MYO10: variants seen among roughly 807,000 people sequenced by gnomAD.
The protein encoded by MYO10 is myosin X, also known as unconventional myosin-X.
A neutral mutation model predicts 257.3 loss-of-function variants in MYO10; 133 were observed. The observed-to-expected ratio is 0.52, with a 90% CI of 0.45 to 0.60. The LOEUF (loss-of-function observed/expected upper bound fraction) is 0.60, where lower values mean the gene tolerates loss of function less well. MYO10 is among the 20% of genes least tolerant of loss of function. MYO10 has a pLI of 0.00. For synonymous variants in MYO10, 1,104 were observed against 1,028.6 expected, an observed-to-expected ratio of 1.07 and a Z score of -1.40; for missense variants, 2,399 against 2,635.7, an observed-to-expected ratio of 0.91 and a Z score of 1.97.
chr5:16,912,935 C>CT (rs1745707931), intron 1 of MYO10, among the ~76,000 whole-genome samples: 1 of 150,178 alleles, frequency 6.7e-6, no homozygotes, highest in Non-Finnish European at 1.5e-5. Context: ...TACAGGCATG[C>CT]TTTCTGGCCA....
chr5:16,885,744 C>A (rs1394518170), intron 1 of MYO10, among the ~76,000 whole-genome samples: 1 of 151,908 alleles, frequency 6.6e-6, no homozygotes, highest in East Asian at 1.9e-4. Context: ...ATGAGTATGA[C>A]AAATGCAGCG....
chr5:16,816,360 T>C (rs1267123719), intron 3 of MYO10, among the ~76,000 whole-genome samples: 1 of 138,026 alleles, frequency 7.2e-6, no homozygotes, highest in African/African-American at 2.7e-5. Flanking sequence ...AAAAGGCAAA[T>C]ACACTCTTTT....
intron 39 of MYO10, among the ~76,000 whole-genome samples, chr5:16,669,828 G>T (rs1490487282): frequency 6.6e-6 from 1 of 152,188 alleles, no homozygotes; most frequent in Non-Finnish European, 1.5e-5. Context: ...ACACTTATCT[G>T]TTAAGGGCTG....
rs775296512 is a variant in MYO10, at chr5:16,701,160, C to A, written c.3235G>T (p.Ala1079Ser). Residue 1079 changes from alanine to serine, a missense_variant, in exon 25 of 41, where the codon GCT becomes TCT. Physicochemically the swap from Ala to Ser is moderately conservative, Grantham distance 99 (BLOSUM62 1). This residue lies in a region of MYO10 where 1,820 missense variants were observed against 1,939.4 expected (regional missense o/e 0.94). Coordinates refer to ENST00000513610, the MANE Select transcript of MYO10 (RefSeq NM_012334.3). The surrounding 1 kb of genome is among the most constrained non-coding windows in gnomAD (Gnocchi z 8.1). ...CCGTCTGGGGAGGGCAAGTCCCCAGCGTTCTGGGGCATGCAGTAGGTGGAC... is the reference window on the plus strand; with the variant it reads ...CCGTCTGGGGAGGGCAAGTCCCCAGAGTTCTGGGGCATGCAGTAGGTGGAC... ...GESTYCMPQN[A>S]GDLPSPDGDY... The A allele has an allele frequency of 2.5e-6, 4 of 1,604,430 alleles. No individual in the cohort carries two copies. The highest frequency in any genetic ancestry group is 1.7e-6 in the Non-Finnish European group (2 of 1,175,654).
chr5:16,719,513 A>C (rs1363145465), intron 19 of MYO10, among the ~76,000 whole-genome samples: 1 of 151,774 alleles, frequency 6.6e-6, no homozygotes, highest in Non-Finnish European at 1.5e-5. Flanking sequence ...CAGTGTGACA[A>C]CTCCTTGGGT....
intron 1 of MYO10, among the ~76,000 whole-genome samples, chr5:16,888,313 G>A (rs1447254618): frequency 2.0e-5 from 3 of 150,090 alleles, no homozygotes; most frequent in Non-Finnish European, 4.4e-5. Flanking sequence ...AGGATTACTT[G>A]AGCCTCAGAG....
Position 16,674,944 on chromosome 5 carries a change from T to G in MYO10, c.4873A>C (p.Asn1625His). The change falls in exon 35 of 41, where the codon AAC becomes CAC. Residue 1625 changes from asparagine (N) to histidine (H), a missense_variant. By Grantham distance (68) the Asn-to-His change is moderately conservative. Around this residue, in one of 3 missense-constraint regions of MYO10, gnomAD observed 1,820 missense variants for 1,939.4 expected, o/e 0.94. Transcript: ENST00000513610. ...NKVPHPGSVG[N>H]LYSWQILTCL... ...GTCAGGATCTGCCAGCTGTACAGGT[T>G]GCCCACACTGCCGGGGTGGGGCACT... is the stretch of plus-strand genomic sequence containing the variant. 1.2e-6 allele frequency: 2 copies of G among 1,614,038 alleles called. No individual in the cohort carries two copies. Among genetic ancestry groups the G allele is most frequent in the Non-Finnish European group, 8.5e-7 (1 of 1,179,902 alleles).
At chr5:16,796,483 G>GAAACAAAGAAAGA (rs1553997269) in intron 3 of MYO10, among the ~76,000 whole-genome samples, 1 of 136,862 alleles carries the variant, frequency 7.3e-6, no homozygotes, top group African/African-American at 2.7e-5. Flanking sequence ...GAAAAGAAAA[G>GAAACAAAGAAAGA]AAAGAAAGAA....
At chr5:16,751,477 T>G (rs1740375280) in intron 19 of MYO10, among the ~76,000 whole-genome samples, 1 of 151,904 alleles carries the variant, frequency 6.6e-6, no homozygotes, top group Non-Finnish European at 1.5e-5. Flanking sequence ...ACTTGCTGAG[T>G]GCCTTTATTT....
chr5:16,892,486 T>A (rs963743311), intron 1 of MYO10, among the ~76,000 whole-genome samples: 4 of 152,050 alleles, frequency 2.6e-5, no homozygotes, highest in East Asian at 1.9e-4. Context: ...TACAAAAAAA[T>A]TCAAAAATTA....
intron 19 of MYO10, among the ~76,000 whole-genome samples, chr5:16,751,440 C>T (rs1740374629): frequency 6.6e-6 from 1 of 152,080 alleles, no homozygotes; most frequent in African/African-American, 2.4e-5. Context: ...AGGCCTCAGA[C>T]AAGTCAGCTC....
At chr5:16,890,429 T>C (rs1745018779) in intron 1 of MYO10, among the ~76,000 whole-genome samples, 1 of 151,824 alleles carries the variant, frequency 6.6e-6, no homozygotes, top group Non-Finnish European at 1.5e-5. Flanking sequence ...CGAAAACTTG[T>C]ACACAAATGT....
chr5:16,728,248 G>T (rs1392323682), intron 19 of MYO10, among the ~76,000 whole-genome samples: 1 of 152,128 alleles, frequency 6.6e-6, no homozygotes, highest in Non-Finnish European at 1.5e-5. Context: ...CACGGCCAGG[G>T]TCGCTTGTCT....
intron 1 of MYO10, among the ~76,000 whole-genome samples, chr5:16,915,616 C>T (rs915909584): frequency 2.6e-5 from 4 of 152,190 alleles, no homozygotes; most frequent in African/African-American, 9.6e-5. Flanking sequence ...CGCTGAATTC[C>T]ATCAACAGTG....
intron 19 of MYO10, among the ~76,000 whole-genome samples, chr5:16,721,591 G>A (rs1739154758): frequency 6.6e-6 from 1 of 152,140 alleles, no homozygotes; most frequent in South Asian, 2.1e-4. Flanking sequence ...AGTAAGCAGG[G>A]CCTGACTGGC....
chr5:16,689,991 T>G (rs1346776875), intron 27 of MYO10, 72 bp from the exon 28 acceptor site: 5 of 1,090,812 alleles, frequency 4.6e-6, no homozygotes. Flanking sequence ...AAGCAACTAA[T>G]GAAGCCAATG....
intron 25 of MYO10, chr5:16,699,786 CAAAA>C (rs1203905060): frequency 0.024 from 1,297 of 53,254 alleles, 17 homozygotes; most frequent in African/African-American, 0.065. Context: ...GCCTCAGTCT[CAAAA>C]AAAAAAAAAA....
intron 19 of MYO10, among the ~76,000 whole-genome samples, chr5:16,733,902 T>C (rs141513551): frequency 2.5e-4 from 38 of 152,260 alleles, no homozygotes; most frequent in Non-Finnish European, 4.6e-4. Flanking sequence ...TCCAGGCTTC[T>C]GAGCTGGGTG....
At chr5:16,706,046 T>C (rs1004211231) in intron 21 of MYO10, among the ~76,000 whole-genome samples, 2 of 151,768 alleles carry the variant, frequency 1.3e-5, no homozygotes, top group African/African-American at 4.8e-5. Flanking sequence ...TAGCCAGGCA[T>C]GGTGGGGGTG....
Sources: gnomAD v4.1 joint callset for allele counts (sites outside exome capture counted in the v4.1 genomes callset) on GRCh38, gnomAD v4.1.1 for gene constraint, gnomAD v4.1.1 regional missense constraint, Gnocchi (gnomAD v3.1) non-coding constraint, MANE v1.5 for transcripts, NCBI Gene and HGNC (gene_info 2026-07-23, HGNC 2026-07-21) for gene names.